The following FER1L5 variants were observed in gnomAD, a reference collection of about 807,000 sequenced individuals.
The protein encoded by FER1L5 is fer-1 like family member 5, also known as fer-1-like protein 5.
In FER1L5, 187 loss-of-function variants were observed where a neutral mutation model predicts 279.9. That is an observed-to-expected ratio of 0.67 (90% CI 0.59 to 0.75). The LOEUF is 0.75. Ranked by LOEUF, FER1L5 falls within the 30% of genes least tolerant of loss-of-function variation. The pLI, the probability that FER1L5 is intolerant of heterozygous loss-of-function variation, is 0.00. For missense variants in FER1L5, 2,091 were observed against 2,594.4 expected, an observed-to-expected ratio of 0.81 and a Z score of 4.21; for synonymous variants, 921 against 989.7, an observed-to-expected ratio of 0.93 and a Z score of 1.30.
chr2:96,677,085 G>A (rs910871331), intron 19 of FER1L5, among the ~76,000 whole-genome samples: 4 of 152,182 alleles, frequency 2.6e-5, no homozygotes, highest in Admixed American at 1.3e-4. Context: ...CAGGTCATCC[G>A]CTCGCCTCAG....
Position 96,689,731 on chromosome 2 carries a change from G to T in FER1L5, c.2613G>T (p.Gly871=). 1 of 1,543,958 alleles carries T rather than the reference G, an allele frequency of 6.5e-7. No homozygotes were observed. Residue 871 remains glycine (G), a synonymous_variant, in exon 26 of 53, where the codon GGG becomes GGT. Coordinates refer to ENST00000624922, the MANE Select transcript of FER1L5 (RefSeq NM_001293083.2). This position sits in a 1 kb window ranked among gnomAD's most constrained non-coding sequence, Gnocchi z 4.6. ...GCCGTGACACCAGAGGGGCCTGGGG[G>T]CCTGCCGCCATCCCAAACACAGACG... ...NQGRDTRGAW[G]PAAIPNTDVN...
chr2:96,694,723 C>T lies in FER1L5; in HGVS notation c.3741+259C>T. The T allele has an allele frequency of 8.5e-6, 3 of 351,264 alleles. No individual in the cohort carries two copies. Among genetic ancestry groups the T allele is most frequent in the East Asian group, 8.8e-5 (2 of 22,698 alleles). The allele number at this position is 351,264 out of a possible 1,614,324, so 21.8% of individuals were successfully genotyped here. A position where few individuals can be genotyped will look rare whatever the true frequency, so the allele number is the denominator to read the frequency against. ...ATGATCACTTGTGGGACTCACGCTG[C>T]CCCTGCGCAGTAGCAACTACTTTGC... On this transcript the variant is annotated intron_variant, in intron 34 of 52. Coordinates refer to ENST00000624922, the MANE Select transcript of FER1L5 (RefSeq NM_001293083.2). This position sits in a 1 kb window ranked among gnomAD's most constrained non-coding sequence, Gnocchi z 4.6.
At chr2:96,703,722 T>C (rs888436998) in intron 51 of FER1L5, 90 bp downstream of exon 51, 5 of 1,107,142 alleles carry the variant, frequency 4.5e-6, no homozygotes, top group Non-Finnish European at 6.8e-6. Flanking sequence ...GGAGAGGTGG[T>C]AATTACCTCC....
intron 38 of FER1L5, 36 bp downstream of exon 38, chr2:96,697,612 T>TG (rs747170232): frequency 2.5e-6 from 4 of 1,613,254 alleles, no homozygotes; most frequent in Admixed American, 3.3e-5. Context: ...TGCAGGGAGG[T>TG]GGGGGGCTGC....
intron 36 of FER1L5, 27 bp downstream of exon 36, chr2:96,695,931 C>T: frequency 6.2e-7 from 1 of 1,611,524 alleles, no homozygotes. Context: ...GTGCCTTTCC[C>T]CAGGCCTCAC....
At position 96,642,849 on chromosome 2, in the gene FER1L5, G is replaced by A; in HGVS notation, c.13G>A (p.Val5Met). MLRL[V>M]VQSAKIDPPL... ...GTAGGTCTCCGAGATGCTGCGGCTTGTGGTGCAGTCGGCCAAGATTGACCC... is the reference window on the plus strand; with the variant it reads ...GTAGGTCTCCGAGATGCTGCGGCTTATGGTGCAGTCGGCCAAGATTGACCC... Residue 5 changes from valine (V) to methionine (M), a missense_variant, in exon 1 of 53, where the codon GTG becomes ATG. Physicochemically the swap from Val to Met is conservative, Grantham distance 21. Coordinates refer to ENST00000624922, the MANE Select transcript of FER1L5 (RefSeq NM_001293083.2). The A allele has an allele frequency of 6.4e-7, 1 of 1,550,974 alleles. No homozygotes were observed. The highest frequency in any genetic ancestry group is 8.7e-7 in the Non-Finnish European group (1 of 1,146,630).
intron 31 of FER1L5, among the ~76,000 whole-genome samples, chr2:96,692,565 AG>A (rs1166734865): frequency 6.6e-6 from 1 of 152,120 alleles, no homozygotes; most frequent in Non-Finnish European, 1.5e-5. Flanking sequence ...TGGAAGAGGG[AG>A]GAGCTTGTCT....
Position 96,702,726 on chromosome 2 carries a change from T to C in FER1L5, c.5382T>C (p.Cys1794=). The C allele has an allele frequency of 6.2e-7, 1 of 1,613,054 alleles. No homozygotes were observed. Among genetic ancestry groups the C allele is most frequent in the East Asian group, 2.2e-5 (1 of 44,862 alleles). The change falls in exon 48 of 53, where the codon TGT becomes TGC. Residue 1794 remains cysteine, a synonymous_variant. Coordinates refer to ENST00000624922, the MANE Select transcript of FER1L5 (RefSeq NM_001293083.2). The surrounding 1 kb of genome is among the most constrained non-coding windows in gnomAD (Gnocchi z 4.0). ...TMDYLAAERT[C]VQSQKDYIWS... ...ACTACCTGGCGGCGGAGCGCACGTGTGTCCAGAGCCAGAAGGTAACAGGCC... is the reference window on the plus strand; with the variant it reads ...ACTACCTGGCGGCGGAGCGCACGTGCGTCCAGAGCCAGAAGGTAACAGGCC...
In FER1L5 at chr2:96,691,650, C is replaced by A. The variant is rs1423195447; in HGVS notation, c.3075+38C>A. On this transcript the variant is annotated intron_variant, in intron 29 of 52. Coordinates refer to ENST00000624922, the MANE Select transcript of FER1L5 (RefSeq NM_001293083.2). This position sits in a 1 kb window ranked among gnomAD's most constrained non-coding sequence, Gnocchi z 6.0. ...AGGCTGGGTGATGCCTGCCTGTAAC[C>A]CCACCTCCCAGAGAAGCCAGGGCCT... 3 of 1,507,612 alleles carry A rather than the reference C, an allele frequency of 2.0e-6. No homozygotes were observed. Among genetic ancestry groups the A allele is most frequent in the South Asian group, 2.6e-5 (2 of 76,384 alleles). 93.4% of individuals were successfully genotyped at this position (1,507,612 alleles called of 1,614,324 possible). A position where few individuals can be genotyped will look rare whatever the true frequency, so the allele number is the denominator to read the frequency against.
In FER1L5 at chr2:96,687,825, G is replaced by C; in HGVS notation, c.2239G>C (p.Gly747Arg). The C allele has an allele frequency of 1.3e-6, 2 of 1,551,184 alleles. No homozygotes were observed. Among genetic ancestry groups the C allele is most frequent in the Non-Finnish European group, 1.7e-6 (2 of 1,146,970 alleles). Residue 747 changes from glycine to arginine, a missense_variant, in exon 24 of 53, where the codon GGT becomes CGT. Coordinates refer to ENST00000624922, the MANE Select transcript of FER1L5 (RefSeq NM_001293083.2). ...IQTLFLQYPE[G>R]EGQKDVLPAH... ...TCGGCCTCTGGCTCAGTACCCAGAGGGTGAAGGACAGAAGGATGTGCTCCC... is the reference window on the plus strand; with the variant it reads ...TCGGCCTCTGGCTCAGTACCCAGAGCGTGAAGGACAGAAGGATGTGCTCCC...
At position 96,669,218 on chromosome 2, in the gene FER1L5, G is replaced by C. The variant is rs148727203; in HGVS notation, c.1362+81G>C. 8.9e-5 allele frequency: 121 copies of C among 1,352,372 alleles called. No individual in the cohort carries two copies. In the African/African-American group the frequency reaches 1.5e-3, roughly 17 times the overall value. 83.8% of individuals were successfully genotyped at this position (1,352,372 alleles called of 1,614,324 possible). Reference sequence around the variant, plus strand: ...AGCACTAGGGCCTGGGACGTGCCCCGAGGCCCCGGCCCTGGTTTCTGTCCC... The same window carrying C: ...AGCACTAGGGCCTGGGACGTGCCCCCAGGCCCCGGCCCTGGTTTCTGTCCC... On this transcript the variant is annotated intron_variant, in intron 17 of 52. Transcript: ENST00000624922.
At chr2:96,644,094 C>T (rs550700932) in intron 1 of FER1L5, among the ~76,000 whole-genome samples, 4 of 151,078 alleles carry the variant, frequency 2.6e-5, no homozygotes, top group Non-Finnish European at 2.9e-5. Context: ...ATCGCTTGAA[C>T]CTGGGAGGCG....
Position 96,695,478 on chromosome 2 carries a change from C to T in FER1L5, c.3742-31C>T, listed in dbSNP as rs772951658. The T allele has an allele frequency of 3.2e-6, 5 of 1,551,656 alleles. No individual in the cohort carries two copies. The South Asian group carries it at 6.1e-5, about 19-fold the overall frequency. ...CCCATTACAGAGGCGCTGCCTGCCCCTTGTCCTGCCCTCCTTCTTTGTTCT... is the reference window on the plus strand; with the variant it reads ...CCCATTACAGAGGCGCTGCCTGCCCTTTGTCCTGCCCTCCTTCTTTGTTCT... On this transcript the variant is annotated intron_variant, in intron 34 of 52. Transcript: ENST00000624922.
chr2:96,697,724 C>A lies in FER1L5; in HGVS notation c.4199C>A (p.Ser1400Tyr), dbSNP rs777251042. The change falls in exon 39 of 53, where the codon TCC becomes TAC. Residue 1400 changes from serine (S) to tyrosine (Y), a missense_variant. Physicochemically the swap from Ser to Tyr is moderately radical, Grantham distance 144. Transcript: ENST00000624922. ...TTCTGGGCCACAGATGAGCACAAGT[C>A]CCTGAAGTACAAGTACAAAGACTAC... Reference protein sequence around the residue: ...KLFWATDEHKSLKYKYKDYHT... With the variant: ...KLFWATDEHKYLKYKYKDYHT... 9 of 1,613,858 alleles carry A rather than the reference C, an allele frequency of 5.6e-6. No homozygotes were observed. The East Asian group carries it at 1.3e-4, about 24-fold the overall frequency.
At chr2:96,644,026 G>A (rs1234295614) in intron 1 of FER1L5, among the ~76,000 whole-genome samples, 10 of 151,332 alleles carry the variant, frequency 6.6e-5, no homozygotes, top group Non-Finnish European at 1.5e-4. Context: ...ATAAAAATTA[G>A]CCAGGCATGG....
At chr2:96,686,169 G>A in intron 22 of FER1L5, 26 bp from the exon 23 acceptor site, 1 of 1,548,698 alleles carries the variant, frequency 6.5e-7, no homozygotes, top group Non-Finnish European at 8.7e-7. Flanking sequence ...AGCCGCGCAG[G>A]GCCTGACATT....
intron 37 of FER1L5, 148 bp downstream of exon 37, chr2:96,696,225 T>A (rs1376844984): frequency 2.4e-6 from 2 of 832,538 alleles, no homozygotes; most frequent in Non-Finnish European, 3.7e-6. Context: ...GCCTATAGGG[T>A]CTCTGTAGGT....
chr2:96,658,863 T>C (rs1031579625), intron 9 of FER1L5, among the ~76,000 whole-genome samples: 2 of 152,188 alleles, frequency 1.3e-5, no homozygotes, highest in African/African-American at 4.8e-5. Flanking sequence ...CTTGGATTGT[T>C]TGTTTTCTAA....
chr2:96,666,575 T>G (rs2076134947), intron 14 of FER1L5, among the ~76,000 whole-genome samples: 1 of 152,052 alleles, frequency 6.6e-6, no homozygotes, highest in Non-Finnish European at 1.5e-5. Flanking sequence ...CTGAGAGGAT[T>G]GAGGATTTGG....
Sources: gnomAD v4.1 joint callset for allele counts (sites outside exome capture counted in the v4.1 genomes callset) on GRCh38, gnomAD v4.1.1 for gene constraint, Gnocchi (gnomAD v3.1) non-coding constraint, MANE v1.5 for transcripts, NCBI Gene and HGNC (gene_info 2026-07-23, HGNC 2026-07-21) for gene names.